Variants in RARS1 observed in about 807,000 individuals in gnomAD.
RARS1 encodes arginyl-tRNA synthetase 1.
A neutral mutation model predicts 78.7 loss-of-function variants in RARS1; 75 were observed. That is an observed-to-expected ratio of 0.95 (90% CI 0.79 to 1.15). The LOEUF is 1.15. RARS1 is among the 50% of genes most tolerant of loss of function. The probability of loss-of-function intolerance (pLI) is 0.00; values close to 1 mark genes in which losing one functional copy is unlikely to be tolerated. For missense variants in RARS1, 787 were observed against 787.5 expected, an observed-to-expected ratio of 1.00 and a Z score of 0.01; for synonymous variants, 273 against 268.2, an observed-to-expected ratio of 1.02 and a Z score of -0.18.
intron 1 of RARS1, 67 bp from the exon 2 acceptor site, chr5:168,488,535 G>T: frequency 1.3e-6 from 2 of 1,499,078 alleles, no homozygotes; most frequent in Non-Finnish European, 1.8e-6. Flanking sequence ...TCTATGCCAC[G>T]CCTTGGTAGA....
intron 9 of RARS1, among the ~76,000 whole-genome samples, chr5:168,503,304 T>C (rs1452162942): frequency 2.0e-5 from 3 of 152,238 alleles, no homozygotes; most frequent in Non-Finnish European, 4.4e-5. Context: ...TCATTCTTTC[T>C]CCATTTGTTA....
At chr5:168,504,820 G>A (rs1456343195) in intron 9 of RARS1, among the ~76,000 whole-genome samples, 5 of 151,136 alleles carry the variant, frequency 3.3e-5, no homozygotes, top group Non-Finnish European at 7.4e-5. Flanking sequence ...GCGAGACTCC[G>A]TCTCAAAAAA....
At position 168,519,145 on chromosome 5, in the gene RARS1, C is replaced by T; in HGVS notation, c.1938C>T (p.Ala646=). 6.2e-7 allele frequency: 1 copy of T among 1,613,974 alleles called. No homozygotes were observed. Among genetic ancestry groups the T allele is most frequent in the Non-Finnish European group, 8.5e-7 (1 of 1,179,950 alleles). The change falls in exon 15 of 15, where the codon GCC becomes GCT. Residue 646 remains alanine (A), a synonymous_variant. Transcript: ENST00000231572. ...LLCEAVAAVM[A]KGFDILGIKP... Reference sequence around the variant, plus strand: ...GTGAAGCAGTAGCTGCTGTCATGGCCAAGGGGTTTGATATCCTGGGAATAA... The same window carrying T: ...GTGAAGCAGTAGCTGCTGTCATGGCTAAGGGGTTTGATATCCTGGGAATAA...
At chr5:168,518,579 G>T (rs927144066) in intron 14 of RARS1, among the ~76,000 whole-genome samples, 1 of 152,086 alleles carries the variant, frequency 6.6e-6, no homozygotes, top group African/African-American at 2.4e-5. Flanking sequence ...GAATCTTTGG[G>T]TGTTTTTGAT....
chr5:168,493,265 A>T (rs1758121838), intron 3 of RARS1: 1 of 160,298 alleles, frequency 6.2e-6, no homozygotes, highest in Admixed American at 5.9e-5. Flanking sequence ...GGAGTTCCCC[A>T]TTTTAAATAG....
chr5:168,489,908 A>G (rs887127110), intron 2 of RARS1, among the ~76,000 whole-genome samples: 1 of 147,606 alleles, frequency 6.8e-6, no homozygotes, highest in African/African-American at 2.5e-5. Context: ...TCCACCTCCC[A>G]GGTTCAAGCA....
chr5:168,510,452 A>G (rs1461417677), intron 11 of RARS1, 129 bp from the exon 12 acceptor site: 2 of 695,056 alleles, frequency 2.9e-6, no homozygotes, highest in Non-Finnish European at 5.0e-6. Context: ...TCTCAGGGGC[A>G]ATATGTACCT....
intron 11 of RARS1, among the ~76,000 whole-genome samples, chr5:168,508,379 T>C (rs1198725103): frequency 1.3e-5 from 2 of 151,800 alleles, no homozygotes; most frequent in African/African-American, 4.8e-5. Context: ...TCCCAGCACT[T>C]TGGGAGGCCG....
Position 168,500,628 on chromosome 5 carries a change from A to C in RARS1, c.860A>C (p.Lys287Thr), listed in dbSNP as rs556591376. 1 of 1,599,014 alleles carries C rather than the reference A, an allele frequency of 6.3e-7. No homozygotes were observed. The highest frequency in any genetic ancestry group is 8.5e-7 in the Non-Finnish European group (1 of 1,175,014). Residue 287 changes from lysine (K) to threonine (T), a missense_variant, in exon 8 of 15, where the codon AAG becomes ACG. Coordinates refer to ENST00000231572, the MANE Select transcript of RARS1 (RefSeq NM_002887.4). ...KKRFDTEEEF[K>T]KRAYQCVVLL... ...AGGTTTGATACTGAGGAGGAATTTA[A>C]GAAGCGAGCATATCAGTGTGTAGTT...
chr5:168,513,029 T>C (rs1030609369), intron 12 of RARS1, among the ~76,000 whole-genome samples: 2 of 151,852 alleles, frequency 1.3e-5, no homozygotes, highest in East Asian at 3.9e-4. Context: ...ACTACCTTTA[T>C]TTTTCTTTCT....
At chr5:168,505,796 C>T (rs1406269676) in intron 9 of RARS1, among the ~76,000 whole-genome samples, 3 of 151,422 alleles carry the variant, frequency 2.0e-5, no homozygotes, top group Admixed American at 6.6e-5. Flanking sequence ...CTGACCTGTG[C>T]TCTGATAGCA....
chr5:168,512,678 C>G (rs570709776), intron 12 of RARS1, among the ~76,000 whole-genome samples: 4 of 152,154 alleles, frequency 2.6e-5, no homozygotes, highest in African/African-American at 9.7e-5. Flanking sequence ...GCATCCAGCA[C>G]GGGAGAAAGA....
Position 168,517,882 on chromosome 5 carries a change from C to T in RARS1, c.1693C>T (p.Leu565Phe). Residue 565 changes from leucine (L) to phenylalanine (F), a missense_variant, in exon 14 of 15, where the codon CTT (leucine) becomes TTT (phenylalanine). Physicochemically the swap from Leu to Phe is conservative, Grantham distance 22. Coordinates refer to ENST00000231572, the MANE Select transcript of RARS1 (RefSeq NM_002887.4). ...AAAAGCTGCTCGAGAAACCAAGATT[C>T]TTTTGGATCATGAGAAGGAATGGAA... ...LQKAARETKI[L>F]LDHEKEWKLG... The T allele has an allele frequency of 6.2e-7, 1 of 1,613,596 alleles. No individual in the cohort carries two copies. The highest frequency in any genetic ancestry group is 8.5e-7 in the Non-Finnish European group (1 of 1,179,932).
intron 13 of RARS1, 58 bp from the exon 14 acceptor site, chr5:168,517,757 T>C (rs1758701324): frequency 5.7e-6 from 7 of 1,237,322 alleles, no homozygotes; most frequent in Non-Finnish European, 7.7e-6. Flanking sequence ...GGAGAATGAG[T>C]GTGCCTAAAA....
At chr5:168,503,357 G>T (rs1240958745) in intron 9 of RARS1, among the ~76,000 whole-genome samples, 1 of 152,120 alleles carries the variant, frequency 6.6e-6, no homozygotes, top group Non-Finnish European at 1.5e-5. Flanking sequence ...AATTATTTTG[G>T]TTATCCTCAG....
intron 2 of RARS1, among the ~76,000 whole-genome samples, chr5:168,488,937 T>A (rs190413089): frequency 2.6e-5 from 4 of 152,236 alleles, no homozygotes; most frequent in Non-Finnish European, 5.9e-5. Flanking sequence ...GTCCTGTCCT[T>A]CAGGACTCTT....
intron 6 of RARS1, 184 bp from the exon 7 acceptor site, chr5:168,497,042 CAT>C (rs1758207938): frequency 2.3e-6 from 1 of 432,992 alleles, no homozygotes; most frequent in Non-Finnish European, 3.9e-6. Context: ...ATGTAACAGA[CAT>C]AGTTTTCATC....
intron 12 of RARS1, among the ~76,000 whole-genome samples, chr5:168,511,225 A>G (rs1286580600): frequency 1.3e-5 from 2 of 150,222 alleles, no homozygotes; most frequent in African/African-American, 2.5e-5. Flanking sequence ...AGTTTAGAGC[A>G]GTAGAGGAGA....
Position 168,518,070 on chromosome 5 carries a change from T to C in RARS1, c.1873+8T>C. The C allele has an allele frequency of 3.7e-6, 5 of 1,338,298 alleles. No homozygotes were observed. The highest frequency in any genetic ancestry group is 4.8e-6 in the Non-Finnish European group (5 of 1,042,052). 82.9% of individuals were successfully genotyped at this position (1,338,298 alleles called of 1,614,324 possible). On this transcript the variant is annotated splice_region_variant and intron_variant, in intron 14 of 14. Coordinates refer to ENST00000231572, the MANE Select transcript of RARS1 (RefSeq NM_002887.4). ...AGAAAGATAGACAGACTGGTGAGTG[T>C]CTTTTTTTTTTTTTTTTTTTTTTTT...
Sources: gnomAD v4.1 joint callset for allele counts (sites outside exome capture counted in the v4.1 genomes callset) on GRCh38, gnomAD v4.1.1 for gene constraint, MANE v1.5 for transcripts, NCBI Gene and HGNC (gene_info 2026-07-23, HGNC 2026-07-21) for gene names.